The following TMEM209 variants were observed in gnomAD, a reference collection of about 807,000 sequenced individuals.
TMEM209 encodes testicular tissue protein Li 202.
TMEM209 carries 65 observed loss-of-function variants against 76.2 expected under a neutral mutation model. The ratio of observed to expected loss-of-function variants is 0.85; its 90% CI spans 0.70 to 1.05. TMEM209 has a LOEUF of 1.05. TMEM209 is among the 50% of genes least tolerant of loss of function. The pLI is 0.00. For missense variants in TMEM209, 623 were observed against 685.5 expected, an observed-to-expected ratio of 0.91 and a Z score of 1.02; for synonymous variants, 239 against 237.6, an observed-to-expected ratio of 1.01 and a Z score of -0.06.
intron 13 of TMEM209, among the ~76,000 whole-genome samples, chr7:130,171,419 A>T (rs754744908): frequency 5.9e-5 from 9 of 152,168 alleles, no homozygotes; most frequent in Non-Finnish European, 1.3e-4. Context: ...ACTCTAATTT[A>T]ATGTGTTTTT....
In TMEM209 at chr7:130,179,091, A is replaced by G. The variant is rs143175472; in HGVS notation, c.1121-564T>C. On this transcript the variant is annotated intron_variant, in intron 9 of 14. Transcript: ENST00000397622. ...GTGTTAGCCATCGTGCCTGGCCCAA[A>G]GTACTTTATCTTTTTTATTGTCTAT... Among the ~76,000 whole-genome samples the G allele has an allele frequency of 1.3e-3, 203 of 152,254 alleles. 1 individual carries two copies. The highest frequency in any genetic ancestry group is 4.5e-3 in the African/African-American group (186 of 41,548).
At chr7:130,195,293 C>T (rs1797932947) in intron 5 of TMEM209, among the ~76,000 whole-genome samples, 1 of 152,044 alleles carries the variant, frequency 6.6e-6, no homozygotes, top group Non-Finnish European at 1.5e-5. Context: ...TCTAGCATCT[C>T]TTATTATTTC....
At chr7:130,200,496 GT>G (rs1275918911) in intron 5 of TMEM209, among the ~76,000 whole-genome samples, 1 of 151,954 alleles carries the variant, frequency 6.6e-6, no homozygotes, top group Non-Finnish European at 1.5e-5. Context: ...ACATTAAAAA[GT>G]TTTTTTATAA....
chr7:130,185,349 G>A lies in TMEM209; in HGVS notation c.794C>T (p.Ser265Phe), dbSNP rs778844952. The change falls in exon 7 of 15, where the codon TCT (serine) becomes TTT (phenylalanine). Residue 265 changes from serine to phenylalanine, a missense_variant. Ser to Phe is a radical substitution (Grantham distance 155, BLOSUM62 -2). Coordinates refer to ENST00000397622, the MANE Select transcript of TMEM209 (RefSeq NM_032842.4). ...RVKLGSPDST[S>F]PSSSPTFWNY... ...CCAGAAAGTAGGACTGCTGGAAGGA[G>A]AGGTAGAATCTGGGCTCCCTACAAT... 4.6e-5 allele frequency: 75 copies of A among 1,613,762 alleles called. No individual in the cohort carries two copies. The highest frequency in any genetic ancestry group is 6.2e-5 in the Non-Finnish European group (73 of 1,179,736).
At chr7:130,173,603 G>A (rs765049661) in intron 13 of TMEM209, 29 bp downstream of exon 13, 12 of 1,519,492 alleles carry the variant, frequency 7.9e-6, no homozygotes, top group African/African-American at 1.4e-5. Context: ...AAGACATTCT[G>A]TAACAGCATC....
intron 5 of TMEM209, among the ~76,000 whole-genome samples, chr7:130,193,929 T>C (rs1797883100): frequency 6.7e-6 from 1 of 149,644 alleles, no homozygotes; most frequent in Non-Finnish European, 1.5e-5. Context: ...CCGGGTGCGG[T>C]GACTCACGCT....
intron 9 of TMEM209, among the ~76,000 whole-genome samples, chr7:130,179,738 G>A (rs985591262): frequency 5.9e-5 from 9 of 152,148 alleles, no homozygotes; most frequent in Admixed American, 2.0e-4. Flanking sequence ...CACTTTGGGA[G>A]GCCAAAGTGG....
intron 13 of TMEM209, among the ~76,000 whole-genome samples, 179 bp from the exon 14 acceptor site, chr7:130,170,652 T>C (rs947515368): frequency 3.9e-5 from 6 of 151,992 alleles, no homozygotes; most frequent in African/African-American, 1.5e-4. Context: ...AATACTGCAG[T>C]GAGTAAGACA....
In TMEM209 at chr7:130,202,030, G is replaced by A. The variant is rs1037084126; in HGVS notation, c.393C>T (p.Ser131=). ...ACACACTCTGACCCTGAATTGAAGG[G>A]GAAGGTGGAGCGGGAGGGATTTGGG... The part of the protein sequence containing the change: ...AATQIPPAPP[S]PSIQGQSVLS... Residue 131 remains serine (S), a synonymous_variant, in exon 5 of 15, where the codon TCC becomes TCT. Transcript: ENST00000397622. The A allele has an allele frequency of 3.1e-6, 5 of 1,613,950 alleles. No individual in the cohort carries two copies. The highest frequency in any genetic ancestry group is 4.2e-6 in the Non-Finnish European group (5 of 1,179,906).
chr7:130,193,627 C>T (rs1159469747), intron 5 of TMEM209, among the ~76,000 whole-genome samples: 1 of 151,474 alleles, frequency 6.6e-6, no homozygotes, highest in African/African-American at 2.4e-5. Flanking sequence ...GAAGCCAATC[C>T]GAAAAGCTAC....
chr7:130,171,443 G>C (rs1797063145), intron 13 of TMEM209, among the ~76,000 whole-genome samples: 1 of 150,738 alleles, frequency 6.6e-6, no homozygotes, highest in Non-Finnish European at 1.5e-5. Flanking sequence ...TCAAGAATCT[G>C]AGAGAATGTA....
chr7:130,186,689 G>A (rs1263322068), intron 6 of TMEM209, among the ~76,000 whole-genome samples: 1 of 152,032 alleles, frequency 6.6e-6, no homozygotes, highest in Non-Finnish European at 1.5e-5. Context: ...GAAATAGGAA[G>A]TTCTAGTACC....
At chr7:130,202,777 CT>C (rs1798264868) in intron 3 of TMEM209, 114 bp from the exon 4 acceptor site, 3 of 1,211,278 alleles carry the variant, frequency 2.5e-6, no homozygotes, top group East Asian at 2.8e-5. Context: ...CTCATAAAAA[CT>C]ATAATTTAAT....
In TMEM209 at chr7:130,202,160, G is replaced by A. The variant is rs946563089; in HGVS notation, c.332-69C>T. ...TAAAATTATACGAAAATATATTTAA[G>A]CAACTAAGTCTTTCTCTTAAGGGAA... On this transcript the variant is annotated intron_variant, in intron 4 of 14. Coordinates refer to ENST00000397622, the MANE Select transcript of TMEM209 (RefSeq NM_032842.4). 31 of 1,515,300 alleles carry A rather than the reference G, an allele frequency of 2.0e-5. No individual in the cohort carries two copies. In the African/African-American group the frequency reaches 2.2e-4, roughly 11 times the overall value. The allele number at this position is 1,515,300 out of a possible 1,614,324, so 93.9% of individuals were successfully genotyped here.
chr7:130,191,008 C>G (rs1425406268), intron 6 of TMEM209, among the ~76,000 whole-genome samples: 2 of 151,724 alleles, frequency 1.3e-5, no homozygotes, highest in Non-Finnish European at 2.9e-5. Flanking sequence ...TGATGGGGAC[C>G]AAATAACTAT....
intron 6 of TMEM209, among the ~76,000 whole-genome samples, chr7:130,185,912 T>C (rs920227146): frequency 1.3e-5 from 2 of 152,210 alleles, no homozygotes; most frequent in African/African-American, 2.4e-5. Flanking sequence ...AATTTATAAA[T>C]TTACTTTTAA....
At chr7:130,181,935 A>T in intron 8 of TMEM209, 1 of 417,714 alleles carries the variant, frequency 2.4e-6, no homozygotes, top group African/African-American at 2.0e-5. Flanking sequence ...AAATTAACTA[A>T]CTTACATTCC....
chr7:130,187,810 C>T (rs917725094), intron 6 of TMEM209, among the ~76,000 whole-genome samples: 7 of 152,124 alleles, frequency 4.6e-5, no homozygotes, highest in African/African-American at 1.7e-4. Context: ...ACTCCTAAGG[C>T]ACCTGACAGA....
At chr7:130,176,845 T>C (rs1248508137) in intron 10 of TMEM209, among the ~76,000 whole-genome samples, 1 of 151,926 alleles carries the variant, frequency 6.6e-6, no homozygotes, top group East Asian at 1.9e-4. Flanking sequence ...AGACTTAATA[T>C]CTCATAACAC....
Sources: gnomAD v4.1 joint callset for allele counts (sites outside exome capture counted in the v4.1 genomes callset) on GRCh38, gnomAD v4.1.1 for gene constraint, MANE v1.5 for transcripts, NCBI Gene and HGNC (gene_info 2026-07-23, HGNC 2026-07-21) for gene names.